PDZRN4: variants seen among roughly 807,000 people sequenced by gnomAD.
The protein encoded by PDZRN4 is PDZ domain-containing RING finger protein 4.
PDZRN4 carries 70 observed loss-of-function variants against 99.0 expected under a neutral mutation model. That is an observed-to-expected ratio of 0.71 (90% CI 0.58 to 0.86). The LOEUF is 0.86. Among genes scored for constraint, PDZRN4 ranks in the 40% least tolerant of loss-of-function variants. PDZRN4 has a pLI of 0.00. For synonymous variants in PDZRN4, 551 were observed against 501.6 expected (o/e 1.10, Z -1.32); for missense variants, 1,474 against 1,331.2 (o/e 1.11, Z -1.67).
At chr12:41,355,181 A>T (rs1249577652) in intron 3 of PDZRN4, among the ~76,000 whole-genome samples, 1 of 152,076 alleles carries the variant, frequency 6.6e-6, no homozygotes, top group Non-Finnish European at 1.5e-5. Context: ...AGAAAATAAA[A>T]TTGGCTACCA....
chr12:41,284,650 CA>C (rs1359015120), intron 3 of PDZRN4, among the ~76,000 whole-genome samples: 1 of 152,112 alleles, frequency 6.6e-6, no homozygotes, highest in Non-Finnish European at 1.5e-5. Flanking sequence ...GTATTAGTAC[CA>C]AAACAGATAT....
chr12:41,244,760 C>T (rs1015465530), intron 3 of PDZRN4, among the ~76,000 whole-genome samples: 12 of 149,728 alleles, frequency 8.0e-5, no homozygotes, highest in Non-Finnish European at 1.8e-4. Flanking sequence ...TCTCGGCTCA[C>T]TGCAAGCTCT....
chr12:41,551,451 C>G (rs1228835737), intron 5 of PDZRN4, among the ~76,000 whole-genome samples: 1 of 152,146 alleles, frequency 6.6e-6, no homozygotes, highest in East Asian at 1.9e-4. Flanking sequence ...TTTACACACA[C>G]ACACACCTCA....
intron 3 of PDZRN4, among the ~76,000 whole-genome samples, chr12:41,434,606 G>A (rs1268790961): frequency 6.6e-6 from 1 of 152,104 alleles, no homozygotes; most frequent in South Asian, 2.1e-4. Context: ...TCACTTGCCA[G>A]TTTAGCCTCT....
intron 3 of PDZRN4, among the ~76,000 whole-genome samples, chr12:41,286,336 C>CTTCTTTT: frequency 9.4e-6 from 1 of 106,298 alleles, no homozygotes; most frequent in Non-Finnish European, 1.8e-5. Context: ...CCTTCTTCTT[C>CTTCTTTT]TTTTTTTTTT....
intron 5 of PDZRN4, among the ~76,000 whole-genome samples, chr12:41,530,499 T>A (rs1385765110): frequency 6.6e-6 from 1 of 152,206 alleles, no homozygotes; most frequent in Non-Finnish European, 1.5e-5. Context: ...TAACATTTTT[T>A]AAAATGGTGC....
Position 41,487,589 on chromosome 12 carries a change from A to C in PDZRN4, c.844-18867A>C, listed in dbSNP as rs147569792. Reference sequence around the variant, plus strand: ...TCTAAAAATATGTTGGCTTCTAAAAATTAGCTAATTATGCAAAGTGTCTAT... The same window carrying C: ...TCTAAAAATATGTTGGCTTCTAAAACTTAGCTAATTATGCAAAGTGTCTAT... On this transcript the variant is annotated intron_variant, in intron 3 of 9. Coordinates refer to ENST00000402685, the MANE Select transcript of PDZRN4 (RefSeq NM_001164595.2). Among the ~76,000 whole-genome samples, 1,283 of 152,354 alleles carry C rather than the reference A, an allele frequency of 8.4e-3. 8 individuals carry two copies. The highest frequency in any genetic ancestry group is 0.024 in the Middle Eastern group (7 of 294).
intron 3 of PDZRN4, among the ~76,000 whole-genome samples, chr12:41,293,306 A>C (rs994807955): frequency 4.0e-5 from 6 of 150,084 alleles, no homozygotes; most frequent in Non-Finnish European, 4.5e-5. Flanking sequence ...GACGAGGAAA[A>C]AAATATGGAC....
intron 5 of PDZRN4, among the ~76,000 whole-genome samples, chr12:41,518,676 G>T (rs989466476): frequency 3.3e-5 from 5 of 151,986 alleles, no homozygotes; most frequent in African/African-American, 4.8e-5. Flanking sequence ...TTAAGTGGGC[G>T]TATTTCCTTT....
At chr12:41,336,199 G>T (rs1343207310) in intron 3 of PDZRN4, among the ~76,000 whole-genome samples, 1 of 152,022 alleles carries the variant, frequency 6.6e-6, no homozygotes, top group Middle Eastern at 3.2e-3. Flanking sequence ...TCAATGAACG[G>T]CTGATTCATC....
intron 3 of PDZRN4, among the ~76,000 whole-genome samples, chr12:41,307,361 T>A (rs1283730195): frequency 6.6e-6 from 1 of 152,180 alleles, no homozygotes; most frequent in East Asian, 1.9e-4. Flanking sequence ...CCTCTTCCCA[T>A]GACCTTTCTT....
At chr12:41,206,080 A>G (rs974288314) in intron 3 of PDZRN4, among the ~76,000 whole-genome samples, 1 of 151,922 alleles carries the variant, frequency 6.6e-6, no homozygotes, top group Admixed American at 6.6e-5. Flanking sequence ...TACCACAACT[A>G]ATTATGAATT....
intron 3 of PDZRN4, among the ~76,000 whole-genome samples, chr12:41,418,822 G>A (rs1023137554): frequency 6.6e-6 from 1 of 152,174 alleles, no homozygotes; most frequent in Non-Finnish European, 1.5e-5. Context: ...ATCGTTGGGT[G>A]ACCAGCGTAG....
At chr12:41,236,363 C>T (rs529078575) in intron 3 of PDZRN4, among the ~76,000 whole-genome samples, 2 of 152,102 alleles carry the variant, frequency 1.3e-5, no homozygotes, top group East Asian at 3.9e-4. Flanking sequence ...CTTCACAGTA[C>T]TTGGACTGAG....
At chr12:41,417,404 T>C (rs542239326) in intron 3 of PDZRN4, among the ~76,000 whole-genome samples, 1 of 129,878 alleles carries the variant, frequency 7.7e-6, no homozygotes, top group Admixed American at 7.4e-5. Context: ...TCATTGACAA[T>C]GCTAATAGTT....
intron 3 of PDZRN4, among the ~76,000 whole-genome samples, chr12:41,476,518 C>T (rs920678996): frequency 2.0e-5 from 3 of 152,156 alleles, no homozygotes; most frequent in Admixed American, 6.5e-5. Context: ...CCACTTAGCC[C>T]TCATCTAATG....
chr12:41,333,670 T>C lies in PDZRN4; in HGVS notation c.843+139482T>C, dbSNP rs144916152. Among the ~76,000 whole-genome samples the C allele has an allele frequency of 2.0e-3, 302 of 152,276 alleles. 2 individuals are homozygous for C. Among genetic ancestry groups the C allele is most frequent in the African/African-American group, 7.0e-3 (289 of 41,560 alleles). ...AATTTGACAAAACAAAAACACATTCTGGAATATCTTGTTATGCCTAAAGCA... is the reference window on the plus strand; with the variant it reads ...AATTTGACAAAACAAAAACACATTCCGGAATATCTTGTTATGCCTAAAGCA... On this transcript the variant is annotated intron_variant, in intron 3 of 9. Coordinates refer to ENST00000402685, the MANE Select transcript of PDZRN4 (RefSeq NM_001164595.2).
At chr12:41,309,523 C>T (rs1429522087) in intron 3 of PDZRN4, among the ~76,000 whole-genome samples, 1 of 152,130 alleles carries the variant, frequency 6.6e-6, no homozygotes, top group Non-Finnish European at 1.5e-5. Flanking sequence ...CACCTCCCAA[C>T]ATTGTTGCAC....
chr12:41,322,231 C>A (rs1569035), intron 3 of PDZRN4, among the ~76,000 whole-genome samples: 117,798 of 151,668 alleles, frequency 0.78, 46,680 homozygotes, highest in Non-Finnish European at 0.85. Flanking sequence ...GGGTTTCACC[C>A]TGTTGGCTAG....
Sources: gnomAD v4.1 joint callset for allele counts (sites outside exome capture counted in the v4.1 genomes callset) on GRCh38, gnomAD v4.1.1 for gene constraint, MANE v1.5 for transcripts, NCBI Gene and HGNC (gene_info 2026-07-23, HGNC 2026-07-21) for gene names.